The following MIXL1 variants were observed in gnomAD, a reference collection of about 807,000 sequenced individuals.
The protein encoded by MIXL1 is homeobox protein MIXL1.
A neutral mutation model predicts 9.3 loss-of-function variants in MIXL1; 9 were observed. The observed-to-expected ratio is 0.97, with a 90% CI of 0.58 to 1.69. The LOEUF is 1.69. Among genes scored for constraint, MIXL1 ranks in the 40% most tolerant of loss-of-function variants. The pLI, the probability that MIXL1 is intolerant of heterozygous loss-of-function variation, is 0.00. For missense variants in MIXL1, 330 were observed against 331.7 expected, an observed-to-expected ratio of 0.99 and a Z score of 0.04; for synonymous variants, 164 against 155.6, an observed-to-expected ratio of 1.05 and a Z score of -0.40.
Position 226,223,717 on chromosome 1 carries a change from C to A in MIXL1, c.36C>A (p.Ala12=). The A allele has an allele frequency of 6.8e-7, 1 of 1,464,572 alleles. No homozygotes were observed. The highest frequency in any genetic ancestry group is 9.0e-7 in the Non-Finnish European group (1 of 1,114,914). The allele number at this position is 1,464,572 out of a possible 1,614,324, so 90.7% of individuals were successfully genotyped here. A position where few individuals can be genotyped will look rare whatever the true frequency, so the allele number is the denominator to read the frequency against. ...ATAESRALQF[A]EGAAFPAYRA... ...CCGAGTCCCGTGCGCTCCAGTTTGCCGAGGGCGCCGCGTTTCCAGCGTACC... is the reference window on the plus strand; with the variant it reads ...CCGAGTCCCGTGCGCTCCAGTTTGCAGAGGGCGCCGCGTTTCCAGCGTACC... The change falls in exon 1 of 2, where the codon GCC becomes GCA. Residue 12 remains alanine, a synonymous_variant. Transcript: ENST00000366810.
chr1:226,224,179 G>T, intron 1 of MIXL1, 105 bp downstream of exon 1: 1 of 1,076,494 alleles, frequency 9.3e-7, no homozygotes, highest in Non-Finnish European at 1.2e-6. Context: ...TTGCAGGCAC[G>T]GTGCTTCCCC....
chr1:226,225,371 AGTGCTT>A, intron 1 of MIXL1, 130 bp from the exon 2 acceptor site: 1 of 922,600 alleles, frequency 1.1e-6, no homozygotes, highest in Non-Finnish European at 1.6e-6. Flanking sequence ...CGTCAACCCA[AGTGCTT>A]TCTGAAGACA....
In MIXL1 at chr1:226,225,538, G is replaced by T. The variant is rs145225693; in HGVS notation, c.425G>T (p.Arg142Leu). 4 of 1,614,034 alleles carry T rather than the reference G, an allele frequency of 2.5e-6. No homozygotes were observed. In the African/African-American group the frequency reaches 5.3e-5, roughly 22 times the overall value. ...VWFQNRRAKS[R>L]RQSGKSFQPL... ...TTCCAGAACAGGCGTGCCAAGTCTCGGCGTCAGAGTGGGAAATCCTTCCAA... is the reference window on the plus strand; with the variant it reads ...TTCCAGAACAGGCGTGCCAAGTCTCTGCGTCAGAGTGGGAAATCCTTCCAA... The change falls in exon 2 of 2, where the codon CGG becomes CTG. Residue 142 changes from arginine (R) to leucine (L), a missense_variant. Coordinates refer to ENST00000366810, the MANE Select transcript of MIXL1 (RefSeq NM_031944.3).
chr1:226,225,725 T>C lies in MIXL1; in HGVS notation c.612T>C (p.Phe204=), dbSNP rs771272373. The C allele has an allele frequency of 6.2e-7, 1 of 1,614,128 alleles. No individual in the cohort carries two copies. Among genetic ancestry groups the C allele is most frequent in the South Asian group, 1.1e-5 (1 of 91,084 alleles). Residue 204 remains phenylalanine (F), a synonymous_variant, in exon 2 of 2, where the codon TTT becomes TTC. Transcript: ENST00000366810. ...ISDSSSQGQN[F]ETCSPLSEDI... ...ACTCTAGCTCCCAAGGTCAGAATTT[T>C]GAAACCTGTTCCCCTCTCTCTGAAG...
At chr1:226,225,278 G>T (rs933682376) in intron 1 of MIXL1, among the ~76,000 whole-genome samples, 22 of 152,140 alleles carry the variant, frequency 1.4e-4, no homozygotes, top group African/African-American at 5.1e-4. Context: ...TCTAACTAAA[G>T]AGTAGATAGA....
chr1:226,224,104 G>C, intron 1 of MIXL1, 30 bp downstream of exon 1: 2 of 1,275,844 alleles, frequency 1.6e-6, no homozygotes, highest in Non-Finnish European at 2.0e-6. Context: ...GCAAGTGCGC[G>C]CTGGAGCGGA....
chr1:226,224,221 G>T, intron 1 of MIXL1, 147 bp downstream of exon 1: 1 of 718,444 alleles, frequency 1.4e-6, no homozygotes, highest in East Asian at 3.4e-5. Context: ...GAAATAGGGG[G>T]TGATATCGGC....
chr1:226,224,090 G>A lies in MIXL1; in HGVS notation c.393+16G>A, dbSNP rs1389777783. 2 of 1,293,476 alleles carry A rather than the reference G, an allele frequency of 1.5e-6. No individual in the cohort carries two copies. Among genetic ancestry groups the A allele is most frequent in the Non-Finnish European group, 9.8e-7 (1 of 1,016,624 alleles). 80.1% of individuals were successfully genotyped at this position (1,293,476 alleles called of 1,614,324 possible). A position where few individuals can be genotyped will look rare whatever the true frequency, so the allele number is the denominator to read the frequency against. ...CAGGATCCAGGTGAGGGCCCGCTGCGTTCGCAAGTGCGCGCTGGAGCGGAG... is the reference window on the plus strand; with the variant it reads ...CAGGATCCAGGTGAGGGCCCGCTGCATTCGCAAGTGCGCGCTGGAGCGGAG... On this transcript the variant is annotated intron_variant, in intron 1 of 1. Coordinates refer to ENST00000366810, the MANE Select transcript of MIXL1 (RefSeq NM_031944.3).
At chr1:226,225,460 T>C (rs780615017) in intron 1 of MIXL1, 47 bp from the exon 2 acceptor site, 45 of 1,593,150 alleles carry the variant, frequency 2.8e-5, no homozygotes, top group Non-Finnish European at 3.6e-5. Flanking sequence ...AATGTTAGCA[T>C]AAAAAACTCC....
rs1395116302 is a variant in MIXL1, at chr1:226,223,737, C to G, written c.56C>G (p.Ala19Gly). Reference sequence around the variant, plus strand: ...TTTGCCGAGGGCGCCGCGTTTCCAGCGTACCGGGCCCCCCACGCCGGCGGG... The same window carrying G: ...TTTGCCGAGGGCGCCGCGTTTCCAGGGTACCGGGCCCCCCACGCCGGCGGG... ...LQFAEGAAFP[A>G]YRAPHAGGAL... Residue 19 changes from alanine to glycine, a missense_variant, in exon 1 of 2, where the codon GCG becomes GGG. Coordinates refer to ENST00000366810, the MANE Select transcript of MIXL1 (RefSeq NM_031944.3). 2.1e-5 allele frequency: 30 copies of G among 1,447,656 alleles called. No individual in the cohort carries two copies. Among genetic ancestry groups the G allele is most frequent in the Non-Finnish European group, 2.5e-5 (28 of 1,104,198 alleles). The allele number at this position is 1,447,656 out of a possible 1,614,324, so 89.7% of individuals were successfully genotyped here.
chr1:226,223,942 C>T lies in MIXL1; in HGVS notation c.261C>T (p.Arg87=). 1 of 1,427,226 alleles carries T rather than the reference C, an allele frequency of 7.0e-7. No individual in the cohort carries two copies. The highest frequency in any genetic ancestry group is 1.6e-5 in the South Asian group (1 of 63,436). 88.4% of individuals were successfully genotyped at this position (1,427,226 alleles called of 1,614,324 possible). Reference sequence around the variant, plus strand: ...CGGCCGCCCCGTCGGCGTCGCAGCGCCGCAAGCGCACGTCTTTCAGCGCCG... The same window carrying T: ...CGGCCGCCCCGTCGGCGTCGCAGCGTCGCAAGCGCACGTCTTTCAGCGCCG... The part of the protein sequence containing the change: ...KGAAAPSASQ[R]RKRTSFSAEQ... The change falls in exon 1 of 2, where the codon CGC becomes CGT. Residue 87 remains arginine (R), a synonymous_variant. Coordinates refer to ENST00000366810, the MANE Select transcript of MIXL1 (RefSeq NM_031944.3).
In MIXL1 at chr1:226,223,745, G is replaced by GC. The variant is rs1294442143; in HGVS notation, c.70dup (p.His24ProfsTer131). 17 of 1,436,612 alleles carry GC rather than the reference G, an allele frequency of 1.2e-5. No homozygotes were observed. Among genetic ancestry groups the GC allele is most frequent in the South Asian group, 2.8e-5 (2 of 72,506 alleles). The allele number at this position is 1,436,612 out of a possible 1,614,324, so 89.0% of individuals were successfully genotyped here. A position where few individuals can be genotyped will look rare whatever the true frequency, so the allele number is the denominator to read the frequency against. Reference sequence around the variant, plus strand: ...GGGCGCCGCGTTTCCAGCGTACCGGGCCCCCCACGCCGGCGGGGCGCTCCT... The same window carrying GC: ...GGGCGCCGCGTTTCCAGCGTACCGGGCCCCCCCACGCCGGCGGGGCGCTCCT... On this transcript the variant is annotated frameshift_variant, in exon 1 of 2. Transcript: ENST00000366810. LOFTEE classifies it high-confidence loss of function.
At chr1:226,224,638 TTTA>T (rs1657112628) in intron 1 of MIXL1, among the ~76,000 whole-genome samples, 1 of 152,166 alleles carries the variant, frequency 6.6e-6, no homozygotes, top group East Asian at 1.9e-4. Context: ...TTTATTTTTA[TTTA>T]TTTAGTTTTT....
At chr1:226,225,457 G>A in intron 1 of MIXL1, 50 bp from the exon 2 acceptor site, 1 of 1,586,348 alleles carries the variant, frequency 6.3e-7, no homozygotes, top group Middle Eastern at 1.7e-4. Flanking sequence ...CATAATGTTA[G>A]CATAAAAAAC....
chr1:226,225,954 C>A lies in MIXL1; in HGVS notation c.*142C>A. On this transcript the variant is annotated 3_prime_UTR_variant, in exon 2 of 2. Coordinates refer to ENST00000366810, the MANE Select transcript of MIXL1 (RefSeq NM_031944.3). ...TGATGATGGTTTTGACAGCACCTCTCACATTTGAAGGTACCCCGCCACTTT... is the reference window on the plus strand; with the variant it reads ...TGATGATGGTTTTGACAGCACCTCTAACATTTGAAGGTACCCCGCCACTTT... 1.4e-6 allele frequency: 1 copy of A among 736,478 alleles called. No individual in the cohort carries two copies. The highest frequency in any genetic ancestry group is 2.2e-6 in the Non-Finnish European group (1 of 445,786). The allele number at this position is 736,478 out of a possible 1,614,324, so 45.6% of individuals were successfully genotyped here.
In MIXL1 at chr1:226,223,945, C is replaced by G. The variant is rs768273392; in HGVS notation, c.264C>G (p.Arg88=). 1 of 1,430,200 alleles carries G rather than the reference C, an allele frequency of 7.0e-7. No individual in the cohort carries two copies. Among genetic ancestry groups the G allele is most frequent in the South Asian group, 1.6e-5 (1 of 63,856 alleles). 88.6% of individuals were successfully genotyped at this position (1,430,200 alleles called of 1,614,324 possible). Residue 88 remains arginine, a synonymous_variant, in exon 1 of 2, where the codon CGC becomes CGG. Transcript: ENST00000366810. ...CCGCCCCGTCGGCGTCGCAGCGCCG[C>G]AAGCGCACGTCTTTCAGCGCCGAAC... ...GAAAPSASQR[R]KRTSFSAEQL... is the part of the protein sequence containing the mutation.
rs1003391854 is a variant in MIXL1 at position 226,223,747 on chromosome 1, C to G, written c.66C>G (p.Ala22=). The G allele has an allele frequency of 1.4e-6, 2 of 1,436,972 alleles. No homozygotes were observed. The highest frequency in any genetic ancestry group is 3.0e-5 in the African/African-American group (2 of 67,558). 89.0% of individuals were successfully genotyped at this position (1,436,972 alleles called of 1,614,324 possible). Residue 22 remains alanine, a synonymous_variant, in exon 1 of 2, where the codon GCC becomes GCG. Coordinates refer to ENST00000366810, the MANE Select transcript of MIXL1 (RefSeq NM_031944.3). ...AEGAAFPAYR[A]PHAGGALLPP... ...GCGCCGCGTTTCCAGCGTACCGGGC[C>G]CCCCACGCCGGCGGGGCGCTCCTGC...
At chr1:226,224,501 ACC>A (rs1657109370) in intron 1 of MIXL1, among the ~76,000 whole-genome samples, 1 of 152,032 alleles carries the variant, frequency 6.6e-6, no homozygotes. Context: ...TCGCCAAGTT[ACC>A]CCCATGCTAC....
At chr1:226,224,763 C>T (rs1425893759) in intron 1 of MIXL1, among the ~76,000 whole-genome samples, 1 of 152,134 alleles carries the variant, frequency 6.6e-6, no homozygotes, top group Admixed American at 6.6e-5. Flanking sequence ...CCTCAGCCTC[C>T]CGAGTAGCTG....
Sources: allele counts gnomAD v4.1 joint callset (sites outside exome capture counted in the v4.1 genomes callset), GRCh38; gene constraint gnomAD v4.1.1; transcripts MANE v1.5; gene names NCBI Gene and HGNC (gene_info 2026-07-23, HGNC 2026-07-21).